The following USP39 variants were observed in gnomAD, a reference collection of about 807,000 sequenced individuals.
USP39 encodes ubiquitin specific peptidase 39, also known as ubiquitin carboxyl-terminal hydrolase 39.
Under a neutral mutation model 66.4 loss-of-function variants are expected in USP39, and 38 were observed. The observed-to-expected ratio is 0.57, with a 90% CI of 0.44 to 0.75. The LOEUF is 0.75. Among genes scored for constraint, USP39 ranks in the 30% least tolerant of loss-of-function variants. The pLI is 0.00. For synonymous variants in USP39, 303 were observed against 274.6 expected (o/e 1.10, Z -1.02); for missense variants, 608 against 714.4 (o/e 0.85, Z 1.70).
rs760037323 is a variant in USP39 at position 85,640,940 on chromosome 2, C to T, written c.1285-36C>T. 6 of 1,576,432 alleles carry T rather than the reference C, an allele frequency of 3.8e-6. No homozygotes were observed. In the African/African-American group the frequency reaches 4.1e-5, roughly 11 times the overall value. On this transcript the variant is annotated intron_variant, in intron 9 of 12. Transcript: ENST00000323701. Reference sequence around the variant, plus strand: ...CCCCTGCTCTAATACTACTGAACTTCAGCACTAATTTGAGAATTTTCTTTT... The same window carrying T: ...CCCCTGCTCTAATACTACTGAACTTTAGCACTAATTTGAGAATTTTCTTTT...
At chr2:85,643,493 CA>C (rs1365636402) in intron 10 of USP39, among the ~76,000 whole-genome samples, 146 of 128,602 alleles carry the variant, frequency 1.1e-3, no homozygotes, top group Admixed American at 1.0e-3. Flanking sequence ...GACTCTGTCT[CA>C]AAAAAAAAAA....
chr2:85,636,630 A>G (rs1444478684), intron 7 of USP39, among the ~76,000 whole-genome samples: 1 of 151,946 alleles, frequency 6.6e-6, no homozygotes, highest in African/African-American at 2.4e-5. Context: ...CAGTCTCCCA[A>G]GGGTAGCTGG....
In USP39 at chr2:85,648,854, G is replaced by A; in HGVS notation, c.*46G>A. 5 of 1,609,462 alleles carry A rather than the reference G, an allele frequency of 3.1e-6. No homozygotes were observed. Among genetic ancestry groups the A allele is most frequent in the Non-Finnish European group, 4.2e-6 (5 of 1,177,052 alleles). ...CTCCCAAGGGCTGTGGCTGATGATG[G>A]TAAATAAGAACACAGAAGCTGTAGC... On this transcript the variant is annotated 3_prime_UTR_variant, in exon 13 of 13. Transcript: ENST00000323701.
chr2:85,616,252 T>C lies in USP39; in HGVS notation c.57T>C (p.Ser19=). The change falls in exon 1 of 13, where the codon TCT becomes TCC. Residue 19 remains serine (S), a synonymous_variant. Coordinates refer to ENST00000323701, the MANE Select transcript of USP39 (RefSeq NM_006590.4). ...SRGSTRGKRE[S]ESRGSSGRVK... ...GTTCCACTCGCGGGAAGCGAGAGTC[T>C]GAGTCGCGGGGCAGCTCCGGTCGCG... 1.3e-6 allele frequency: 2 copies of C among 1,508,878 alleles called. No individual in the cohort carries two copies. Among genetic ancestry groups the C allele is most frequent in the Non-Finnish European group, 1.8e-6 (2 of 1,126,460 alleles). The allele number at this position is 1,508,878 out of a possible 1,614,324, so 93.5% of individuals were successfully genotyped here.
chr2:85,647,374 C>A (rs927281867), intron 11 of USP39, among the ~76,000 whole-genome samples: 1 of 152,040 alleles, frequency 6.6e-6, no homozygotes, highest in Non-Finnish European at 1.5e-5. Context: ...TTTCAGACTC[C>A]ATTGTACTTC....
At chr2:85,603,899 T>C (rs1040884702) in intron 1 of USP39, among the ~76,000 whole-genome samples, 3 of 152,138 alleles carry the variant, frequency 2.0e-5, no homozygotes, top group Admixed American at 1.3e-4. Flanking sequence ...GGCCCGGATG[T>C]TTCTTAAATT....
chr2:85,625,021 A>C (rs991062852), intron 4 of USP39, among the ~76,000 whole-genome samples: 1 of 151,924 alleles, frequency 6.6e-6, no homozygotes, highest in Non-Finnish European at 1.5e-5. Flanking sequence ...GGCTAAATTC[A>C]GTGTTTCAAA....
chr2:85,617,623 A>T (rs544621243), intron 1 of USP39, among the ~76,000 whole-genome samples: 1 of 152,280 alleles, frequency 6.6e-6, no homozygotes, highest in East Asian at 1.9e-4. Flanking sequence ...CAAGACTAGG[A>T]TAGGCAACAG....
At position 85,630,795 on chromosome 2, in the gene USP39, A is replaced by AG. The variant is rs1191917962; in HGVS notation, c.802dup (p.Asp268GlyfsTer31). ...ATTATAAGAACATCAAACGTCCTCC[A>AG]GGGGATATCATGTTCTTGTTGGTCC... is the stretch of plus-strand genomic sequence containing the variant. On this transcript the variant is annotated frameshift_variant, in exon 6 of 13. Transcript: ENST00000323701. LOFTEE classifies it high-confidence loss of function. The AG allele has an allele frequency of 1.2e-6, 2 of 1,614,206 alleles. No individual in the cohort carries two copies.
At chr2:85,613,243 T>C (rs539732690), upstream of USP39, among the ~76,000 whole-genome samples, 7 of 152,006 alleles carry the variant, frequency 4.6e-5, no homozygotes, top group African/African-American at 1.7e-4. Context: ...GCGTGGTGGC[T>C]CACGCCTGTA....
intron 12 of USP39, 122 bp from the exon 13 acceptor site, chr2:85,648,639 G>A (rs1363432922): frequency 8.8e-7 from 1 of 1,140,252 alleles, no homozygotes; most frequent in Non-Finnish European, 1.3e-6. Context: ...TTCCAAATGG[G>A]GTATAGCAGA....
intron 2 of USP39, among the ~76,000 whole-genome samples, chr2:85,620,331 T>C (rs1674362650): frequency 6.6e-6 from 1 of 151,640 alleles, no homozygotes; most frequent in African/African-American, 2.4e-5. Flanking sequence ...ATAAAAAAAT[T>C]AGCCAGGTGT....
intron 6 of USP39, among the ~76,000 whole-genome samples, chr2:85,631,313 C>CTTTT (rs57173306): frequency 0.024 from 3,014 of 126,174 alleles, 112 homozygotes; most frequent in African/African-American, 0.075. Context: ...TGCGCCCGGC[C>CTTTT]TTTTTTTTTT....
At chr2:85,643,382 C>T (rs955961696) in intron 10 of USP39, among the ~76,000 whole-genome samples, 1 of 151,626 alleles carries the variant, frequency 6.6e-6, no homozygotes, top group African/African-American at 2.4e-5. Flanking sequence ...CCCAGCTACT[C>T]GGGAGGCTGA....
intron 3 of USP39, among the ~76,000 whole-genome samples, chr2:85,622,056 G>T (rs965283665): frequency 6.6e-6 from 1 of 152,056 alleles, no homozygotes; most frequent in Admixed American, 6.6e-5. Context: ...CTGGCCGCAG[G>T]TGATCCACCT....
intron 5 of USP39, among the ~76,000 whole-genome samples, chr2:85,629,485 C>A (rs556571916): frequency 2.6e-5 from 4 of 151,070 alleles, no homozygotes; most frequent in Non-Finnish European, 5.9e-5. Context: ...ACCTTTTGAC[C>A]ATTTTCTCTT....
At chr2:85,609,331 A>C (rs919648294), upstream of USP39, 7 of 1,479,270 alleles carry the variant, frequency 4.7e-6, no homozygotes, top group Non-Finnish European at 5.5e-6. Context: ...TGTGGAGCAG[A>C]CGCTTCCCAT....
intron 3 of USP39, among the ~76,000 whole-genome samples, chr2:85,623,103 G>A (rs1417960859): frequency 6.6e-6 from 1 of 152,112 alleles, no homozygotes; most frequent in Non-Finnish European, 1.5e-5. Flanking sequence ...TGAATTGGCA[G>A]GACATAGAAT....
intron 11 of USP39, 177 bp downstream of exon 11, chr2:85,645,260 T>C (rs377400288): frequency 1.3e-4 from 100 of 762,274 alleles, no homozygotes; most frequent in Middle Eastern, 7.8e-4. Context: ...GGCTACACAT[T>C]GGACTCACCT....
Sources: gnomAD v4.1 joint callset for allele counts (sites outside exome capture counted in the v4.1 genomes callset) on GRCh38, gnomAD v4.1.1 for gene constraint, MANE v1.5 for transcripts, NCBI Gene and HGNC (gene_info 2026-07-23, HGNC 2026-07-21) for gene names.